The following NREP variants were observed in gnomAD, a reference collection of about 807,000 sequenced individuals.
NREP encodes neuronal regeneration related protein, also known as neuronal regeneration-related protein.
In NREP, 5 loss-of-function variants were observed where a neutral mutation model predicts 8.6. That is an observed-to-expected ratio of 0.58 (90% CI 0.30 to 1.22). NREP has a LOEUF of 1.22. Ranked by LOEUF, NREP falls within the 50% of genes most tolerant of loss-of-function variation. The pLI, the probability that NREP is intolerant of heterozygous loss-of-function variation, is 0.07. For synonymous variants in NREP, 27 were observed against 28.0 expected (o/e 0.96, Z 0.11); for missense variants, 86 against 82.5 (o/e 1.04, Z -0.17).
At chr5:111,970,244 T>C (rs1292799120) in intron 2 of NREP, among the ~76,000 whole-genome samples, 1 of 152,156 alleles carries the variant, frequency 6.6e-6, no homozygotes, top group Non-Finnish European at 1.5e-5. Context: ...TTTGAAATTA[T>C]TTTGTGTCTA....
At chr5:111,771,592 G>T (rs949532266) in intron 2 of NREP, among the ~76,000 whole-genome samples, 1 of 151,854 alleles carries the variant, frequency 6.6e-6, no homozygotes, top group Non-Finnish European at 1.5e-5. Context: ...GAGAAAACTC[G>T]TCTCTACTAA....
chr5:111,852,653 A>AT (rs1753338444), intron 2 of NREP, among the ~76,000 whole-genome samples: 3 of 151,976 alleles, frequency 2.0e-5, no homozygotes, highest in Admixed American at 2.0e-4. Flanking sequence ...AGCCCTTTCC[A>AT]TTTTTTGTGG....
intron 2 of NREP, among the ~76,000 whole-genome samples, chr5:111,957,346 TAAAATATTTTA>T (rs913418561): frequency 5.9e-5 from 9 of 151,944 alleles, no homozygotes; most frequent in African/African-American, 1.7e-4. Context: ...TACCTACCTA[TAAAATATTTTA>T]AAAATCTCAA....
At chr5:111,848,373 A>G (rs576326382) in intron 2 of NREP, among the ~76,000 whole-genome samples, 3 of 152,282 alleles carry the variant, frequency 2.0e-5, no homozygotes, top group South Asian at 2.1e-4. Context: ...GCAGATTTCA[A>G]TGCTAGCCAT....
intron 1 of NREP, among the ~76,000 whole-genome samples, chr5:111,756,483 T>C (rs754143743): frequency 6.6e-6 from 1 of 152,082 alleles, no homozygotes; most frequent in Non-Finnish European, 1.5e-5. Flanking sequence ...TTAAGATGAA[T>C]GGAGAAACTA....
At chr5:111,866,541 TTGG>T (rs1753668392) in intron 2 of NREP, among the ~76,000 whole-genome samples, 2 of 152,306 alleles carry the variant, frequency 1.3e-5, no homozygotes, top group Admixed American at 1.3e-4. Context: ...ACTTACACTG[TTGG>T]TGGGACTGTA....
chr5:111,737,003 G>A (rs375864248), intron 2 of NREP, among the ~76,000 whole-genome samples: 188 of 152,168 alleles, frequency 1.2e-3, no homozygotes, highest in African/African-American at 4.2e-3. Flanking sequence ...CGCCACCCAC[G>A]TTTGGGTCTT....
intron 2 of NREP, among the ~76,000 whole-genome samples, chr5:111,939,002 T>C (rs1474130082): frequency 6.6e-6 from 1 of 152,104 alleles, no homozygotes; most frequent in Non-Finnish European, 1.5e-5. Flanking sequence ...GGAGAGACTC[T>C]GATCTTACTT....
intron 1 of NREP, chr5:111,756,146 T>G: frequency 9.4e-7 from 1 of 1,067,300 alleles, no homozygotes; most frequent in Non-Finnish European, 1.1e-6. Flanking sequence ...AAATAGATTG[T>G]TTTCTGGCTG....
intron 2 of NREP, among the ~76,000 whole-genome samples, chr5:111,883,579 C>G (rs2112519780): frequency 6.6e-6 from 1 of 152,236 alleles, no homozygotes; most frequent in Non-Finnish European, 1.5e-5. Context: ...GGAAGTAAAG[C>G]CCTCCTCAGC....
intron 2 of NREP, among the ~76,000 whole-genome samples, chr5:111,845,084 G>A (rs551086233): frequency 4.6e-5 from 7 of 152,068 alleles, no homozygotes; most frequent in South Asian, 2.1e-4. Context: ...TGTTGCCTTC[G>A]GACTGCAAGG....
chr5:111,793,358 G>T (rs754065080), intron 2 of NREP, among the ~76,000 whole-genome samples: 1 of 152,134 alleles, frequency 6.6e-6, no homozygotes. Context: ...GAGTCTGAAG[G>T]GGGAGGGGAG....
At chr5:111,868,604 G>C (rs1008647260) in intron 2 of NREP, among the ~76,000 whole-genome samples, 4 of 152,178 alleles carry the variant, frequency 2.6e-5, no homozygotes, top group African/African-American at 7.2e-5. Context: ...GTGAAGATGA[G>C]AGACAACTGC....
intron 2 of NREP, among the ~76,000 whole-genome samples, chr5:111,747,413 CT>C (rs1252154699): frequency 6.6e-6 from 1 of 152,144 alleles, no homozygotes; most frequent in Non-Finnish European, 1.5e-5. Flanking sequence ...GTACTTTTCC[CT>C]GCTGGAAATG....
intron 2 of NREP, among the ~76,000 whole-genome samples, chr5:111,782,715 C>T (rs571839377): frequency 6.6e-6 from 1 of 151,348 alleles, no homozygotes; most frequent in Non-Finnish European, 1.5e-5. Flanking sequence ...TATAGAACAA[C>T]AAAGAACCAC....
chr5:111,955,354 A>G (rs1756281260), intron 2 of NREP, among the ~76,000 whole-genome samples: 1 of 152,112 alleles, frequency 6.6e-6, no homozygotes, highest in Admixed American at 6.6e-5. Flanking sequence ...TAAAATTAAT[A>G]GTTGAGTGAG....
chr5:111,801,289 C>G (rs776405910), intron 2 of NREP, among the ~76,000 whole-genome samples: 1 of 152,270 alleles, frequency 6.6e-6, no homozygotes, highest in African/African-American at 2.4e-5. Context: ...TTTACCCTTA[C>G]AATGTGATTG....
intron 2 of NREP, among the ~76,000 whole-genome samples, chr5:111,838,332 C>A (rs1367043680): frequency 2.0e-5 from 3 of 152,210 alleles, no homozygotes; most frequent in Non-Finnish European, 2.9e-5. Flanking sequence ...CAGCACAGGG[C>A]TATAGGGCTA....
At chr5:111,807,682 G>A (rs1015763468) in intron 2 of NREP, among the ~76,000 whole-genome samples, 2 of 151,870 alleles carry the variant, frequency 1.3e-5, no homozygotes, top group African/African-American at 4.8e-5. Flanking sequence ...CAGATTTCAG[G>A]GACAATTTGC....
Sources: allele counts gnomAD v4.1 joint callset (sites outside exome capture counted in the v4.1 genomes callset), GRCh38; gene constraint gnomAD v4.1.1; transcripts MANE v1.5; gene names NCBI Gene and HGNC (gene_info 2026-07-23, HGNC 2026-07-21).